Variants in THOC1 observed in about 807,000 individuals in gnomAD.
THOC1 encodes THO complex 1.
A neutral mutation model predicts 97.3 loss-of-function variants in THOC1; 29 were observed. The observed-to-expected ratio is 0.30, with a 90% CI of 0.22 to 0.41. The LOEUF (loss-of-function observed/expected upper bound fraction) is 0.41, where lower values mean the gene tolerates loss of function less well. THOC1 is among the 10% of genes least tolerant of loss of function. THOC1 has a pLI of 1.00. For missense variants in THOC1, 529 were observed against 761.9 expected, an observed-to-expected ratio of 0.69 and a Z score of 3.60; for synonymous variants, 255 against 257.0, an observed-to-expected ratio of 0.99 and a Z score of 0.07.
chr18:267,654 T>A (rs1003604706), intron 1 of THOC1, among the ~76,000 whole-genome samples: 1 of 151,916 alleles, frequency 6.6e-6, no homozygotes, highest in Non-Finnish European at 1.5e-5. Flanking sequence ...CCTGCCCCAC[T>A]AAACGAGCTG....
In THOC1 at chr18:246,377, A is replaced by G; in HGVS notation, c.865T>C (p.Leu289=). The G allele has an allele frequency of 1.2e-6, 2 of 1,604,552 alleles. No homozygotes were observed. The highest frequency in any genetic ancestry group is 1.7e-6 in the Non-Finnish European group (2 of 1,172,674). Residue 289 remains leucine, a synonymous_variant, in exon 11 of 21, where the codon TTG becomes CTG. Transcript: ENST00000261600. ...TQASRKKMEE[L]KTGGEHVYFA... is the part of the protein sequence containing the mutation. ...TATACATGTTCTCCTCCTGTTTTCA[A>G]TTCTTCCATCTTTTTTCTTGAGGCC...
At position 254,193 on chromosome 18, in the gene THOC1, T is replaced by G; in HGVS notation, c.603+80A>C. 1.0e-6 allele frequency: 1 copy of G among 977,566 alleles called. No homozygotes were observed. Among genetic ancestry groups the G allele is most frequent in the Non-Finnish European group, 1.6e-6 (1 of 629,004 alleles). The allele number at this position is 977,566 out of a possible 1,614,324, so 60.6% of individuals were successfully genotyped here. A position where few individuals can be genotyped will look rare whatever the true frequency, so the allele number is the denominator to read the frequency against. ...TCCCAAAGTGCTAGGATTACAAGTG[T>G]GAGCCACTGTGCCTGGACCCACTAT... is the stretch of plus-strand genomic sequence containing the variant. On this transcript the variant is annotated intron_variant, in intron 8 of 20. Transcript: ENST00000261600. This position sits in a 1 kb window ranked among gnomAD's most constrained non-coding sequence, Gnocchi z 4.1.
At chr18:215,341 A>C in intron 20 of THOC1, 88 bp downstream of exon 20, 1 of 960,988 alleles carries the variant, frequency 1.0e-6, no homozygotes, top group Non-Finnish European at 1.6e-6. Context: ...GAAGTTGAGA[A>C]GTCGATCAAA....
chr18:244,046 G>A (rs987251114), intron 11 of THOC1, among the ~76,000 whole-genome samples: 1 of 151,720 alleles, frequency 6.6e-6, no homozygotes, highest in African/African-American at 2.4e-5. Flanking sequence ...GTTTTCTTTT[G>A]GTGGTTACCC....
At chr18:230,658 A>G (rs1308851298) in intron 11 of THOC1, among the ~76,000 whole-genome samples, 1 of 152,210 alleles carries the variant, frequency 6.6e-6, no homozygotes, top group Non-Finnish European at 1.5e-5. Flanking sequence ...TTCTTTCATA[A>G]TATCTACTAT....
At chr18:243,017 T>C (rs1360093681) in intron 11 of THOC1, among the ~76,000 whole-genome samples, 1 of 152,174 alleles carries the variant, frequency 6.6e-6, no homozygotes, top group Admixed American at 6.5e-5. Context: ...ATATGAAGAA[T>C]GTACAAAGAG....
At position 224,979 on chromosome 18, in the gene THOC1, C is replaced by T; in HGVS notation, c.1153G>A (p.Glu385Lys). The T allele has an allele frequency of 6.4e-7, 1 of 1,573,382 alleles. No homozygotes were observed. The highest frequency in any genetic ancestry group is 1.2e-5 in the South Asian group (1 of 86,076). Residue 385 changes from glutamate to lysine, a missense_variant, in exon 15 of 21, where the codon GAA becomes AAA. Physicochemically the swap from Glu to Lys is moderately conservative, Grantham distance 56. This residue lies in a region of THOC1 where 123 missense variants were observed against 159.0 expected (regional missense o/e 0.77). Transcript: ENST00000261600. ...SKMVEHILNT[E>K]ENWNSWKNEG... ...TTTTTCCACGAGTTCCAGTTTTCTT[C>T]AGTGTTTAATATATGCTGGGAAAAA...
chr18:226,972 T>C, intron 11 of THOC1, 71 bp from the exon 12 acceptor site: 4 of 1,161,066 alleles, frequency 3.4e-6, no homozygotes, highest in Non-Finnish European at 4.9e-6. Flanking sequence ...AGGTACAAAA[T>C]GTGCTAATAT....
intron 18 of THOC1, 23 bp downstream of exon 18, chr18:218,863 G>A (rs751148715): frequency 6.4e-7 from 1 of 1,555,100 alleles, no homozygotes; most frequent in East Asian, 2.3e-5. Flanking sequence ...AAATTAAAAG[G>A]AGCTAATGAG....
rs1407682309 is a variant in THOC1 at position 247,426 on chromosome 18, C to CA, written c.786+422dup. Among the ~76,000 whole-genome samples the CA allele has an allele frequency of 2.0e-5, 3 of 152,184 alleles. No individual in the cohort carries two copies. In the East Asian group the frequency reaches 5.8e-4, roughly 29 times the overall value. On this transcript the variant is annotated intron_variant, in intron 10 of 20. Coordinates refer to ENST00000261600, the MANE Select transcript of THOC1 (RefSeq NM_005131.3). ...ACTACTCAGCTGTGCCATTATAGTG[C>CA]AAAAACAGCCACAGGTAAGTGGATG...
At chr18:237,653 C>T (rs185818948) in intron 11 of THOC1, among the ~76,000 whole-genome samples, 129 of 152,128 alleles carry the variant, frequency 8.5e-4, no homozygotes, top group East Asian at 4.6e-3. Context: ...ACAAATATTT[C>T]GCTTTAAACG....
At chr18:216,217 G>A (rs1215848716) in intron 19 of THOC1, 11 of 311,578 alleles carry the variant, frequency 3.5e-5, no homozygotes, top group Non-Finnish European at 5.4e-5. Context: ...CTCCCAAAGT[G>A]CTGGGATTAC....
At chr18:236,403 G>A (rs1309520870) in intron 11 of THOC1, among the ~76,000 whole-genome samples, 5 of 146,458 alleles carry the variant, frequency 3.4e-5, no homozygotes, top group Non-Finnish European at 6.0e-5. Flanking sequence ...TCGCCCAGGC[G>A]GGAGTGCAGT....
chr18:216,655 T>G, intron 18 of THOC1, 22 bp from the exon 19 acceptor site: 1 of 1,603,828 alleles, frequency 6.2e-7, no homozygotes. Context: ...GGTGTCAGGC[T>G]TGTAATTTAT....
chr18:228,674 ATTTC>A (rs1911380974), intron 11 of THOC1, among the ~76,000 whole-genome samples: 1 of 152,046 alleles, frequency 6.6e-6, no homozygotes, highest in Non-Finnish European at 1.5e-5. Flanking sequence ...CTTGTCCCAT[ATTTC>A]TTCTGTCATG....
intron 11 of THOC1, chr18:245,067 T>G (rs1598300523): frequency 6.6e-6 from 1 of 152,192 alleles, no homozygotes; most frequent in African/African-American, 2.4e-5. Context: ...TGTTTCATGA[T>G]TTCTTGTTCC....
At chr18:260,386 T>G in intron 4 of THOC1, 82 bp from the exon 5 acceptor site, 1 of 890,678 alleles carries the variant, frequency 1.1e-6, no homozygotes, top group South Asian at 3.0e-5. Context: ...CTGAAGAATA[T>G]CTTAAAAGGT....
Position 254,339 on chromosome 18 carries a change from ACT to A in THOC1, c.535_536del (p.Gln180ValfsTer2). The A allele has an allele frequency of 6.4e-7, 1 of 1,572,396 alleles. No homozygotes were observed. The highest frequency in any genetic ancestry group is 2.3e-5 in the East Asian group (1 of 43,192). On this transcript the variant is annotated frameshift_variant, in exon 8 of 21. Coordinates refer to ENST00000261600, the MANE Select transcript of THOC1 (RefSeq NM_005131.3). LOFTEE classifies it high-confidence loss of function. This position sits in a 1 kb window ranked among gnomAD's most constrained non-coding sequence, Gnocchi z 4.1. ...LSEKSGLNLQSQFNLENVTVF... is the reference protein window; with the variant it reads ...LSEKSGLNLQXQFNLENVTVF... Reference sequence around the variant, plus strand: ...CAGTGACATTTTCCAGATTAAACTGACTCTGCAAGTTAAGACCTAGTAAAAAA... The same window carrying A: ...CAGTGACATTTTCCAGATTAAACTGACTGCAAGTTAAGACCTAGTAAAAAA...
intron 11 of THOC1, among the ~76,000 whole-genome samples, chr18:243,397 A>G (rs1309133689): frequency 6.6e-6 from 1 of 152,134 alleles, no homozygotes; most frequent in Non-Finnish European, 1.5e-5. Flanking sequence ...GCTGTTTTTC[A>G]TTACTAAAAT....
Sources: allele counts gnomAD v4.1 joint callset (sites outside exome capture counted in the v4.1 genomes callset), GRCh38; gene constraint gnomAD v4.1.1; regional missense constraint gnomAD v4.1.1; non-coding constraint Gnocchi (gnomAD v3.1); transcripts MANE v1.5; gene names NCBI Gene and HGNC (gene_info 2026-07-23, HGNC 2026-07-21).